The following PIP5K1B variants were observed in gnomAD, a reference collection of about 807,000 sequenced individuals.
The protein encoded by PIP5K1B is phosphatidylinositol 4-phosphate 5-kinase type-1 beta.
PIP5K1B carries 42 observed loss-of-function variants against 67.0 expected under a neutral mutation model. The observed-to-expected ratio is 0.63, with a 90% CI of 0.49 to 0.81. PIP5K1B has a LOEUF of 0.81. PIP5K1B is among the 30% of genes least tolerant of loss of function. The pLI is 0.00. For missense variants in PIP5K1B, 459 were observed against 646.3 expected (o/e 0.71, Z 3.14); for synonymous variants, 214 against 231.4 (o/e 0.92, Z 0.68).
chr9:68,873,100 A>G (rs1823705491), intron 5 of PIP5K1B, among the ~76,000 whole-genome samples: 1 of 152,096 alleles, frequency 6.6e-6, no homozygotes, highest in Admixed American at 6.5e-5. Context: ...ATTTCAGAAT[A>G]GCATTGCCCC....
At chr9:68,812,200 T>C (rs1833206249) in intron 2 of PIP5K1B, among the ~76,000 whole-genome samples, 1 of 152,244 alleles carries the variant, frequency 6.6e-6, no homozygotes, top group African/African-American at 2.4e-5. Context: ...AGTGTCAAAA[T>C]AGCACATGTT....
chr9:68,976,678 C>A (rs367629614), intron 14 of PIP5K1B, among the ~76,000 whole-genome samples: 1 of 152,206 alleles, frequency 6.6e-6, no homozygotes, highest in Non-Finnish European at 1.5e-5. Context: ...TGAAACTGTT[C>A]TGCCTCAGAT....
intron 2 of PIP5K1B, among the ~76,000 whole-genome samples, chr9:68,777,867 AT>A (rs907728746): frequency 2.0e-5 from 3 of 152,110 alleles, no homozygotes; most frequent in South Asian, 2.1e-4. Context: ...CCTAATATTA[AT>A]TTTTTTGTAG....
chr9:68,747,338 T>C (rs1249760368), intron 2 of PIP5K1B, among the ~76,000 whole-genome samples: 1 of 151,326 alleles, frequency 6.6e-6, no homozygotes, highest in Non-Finnish European at 1.5e-5. Flanking sequence ...TGTCTGTTGA[T>C]TGTAAAATAA....
intron 4 of PIP5K1B, among the ~76,000 whole-genome samples, chr9:68,852,679 C>A (rs1303634462): frequency 6.6e-6 from 1 of 152,136 alleles, no homozygotes; most frequent in African/African-American, 2.4e-5. Flanking sequence ...CCTGCACTGT[C>A]ACTTCCTGGC....
chr9:68,790,441 TAGA>T (rs1246621877), intron 2 of PIP5K1B, among the ~76,000 whole-genome samples: 1 of 152,254 alleles, frequency 6.6e-6, no homozygotes, highest in Non-Finnish European at 1.5e-5. Context: ...GTCTTATTTT[TAGA>T]AGTTCAGTAA....
chr9:68,774,100 GAAAAT>G (rs1830794296), intron 2 of PIP5K1B, among the ~76,000 whole-genome samples: 1 of 151,992 alleles, frequency 6.6e-6, no homozygotes, highest in African/African-American at 2.4e-5. Flanking sequence ...TTGCAGTTGA[GAAAAT>G]AAAAGGCAAT....
At chr9:68,901,959 C>A (rs772841800) in intron 8 of PIP5K1B, among the ~76,000 whole-genome samples, 7 of 152,122 alleles carry the variant, frequency 4.6e-5, no homozygotes, top group Non-Finnish European at 8.8e-5. Context: ...GATTCACATG[C>A]CGTTGGAAGC....
chr9:68,852,366 A>G (rs1047451356), intron 4 of PIP5K1B, among the ~76,000 whole-genome samples: 48 of 152,154 alleles, frequency 3.2e-4, no homozygotes, highest in African/African-American at 1.1e-3. Context: ...CCAAGCCATA[A>G]AAAGGTAAGA....
rs772335388 is a variant in PIP5K1B at position 68,873,281 on chromosome 9, C to CTTTTTT, written c.201-3381_201-3376dup. Among the ~76,000 whole-genome samples the CTTTTTT allele has an allele frequency of 1.6e-3, 142 of 90,638 alleles. 1 individual carries two copies. Among genetic ancestry groups the CTTTTTT allele is most frequent in the Non-Finnish European group, 2.0e-3 (97 of 47,528 alleles). 59.5% of individuals were successfully genotyped at this position (90,638 alleles called of 152,430 possible). Reference sequence around the variant, plus strand: ...TATTTTTTTAAGTTAACTTTCTGATCTTTTTTTTTTTTTTTTTTTTGTCTG... The same window carrying CTTTTTT: ...TATTTTTTTAAGTTAACTTTCTGATCTTTTTTTTTTTTTTTTTTTTTTTTTTGTCTG... On this transcript the variant is annotated intron_variant, in intron 5 of 15. Transcript: ENST00000265382.
At chr9:68,987,850 G>T (rs1830159790) in intron 14 of PIP5K1B, among the ~76,000 whole-genome samples, 1 of 151,972 alleles carries the variant, frequency 6.6e-6, no homozygotes, top group Admixed American at 6.6e-5. Flanking sequence ...AACAGCACGG[G>T]GGAAACCACC....
In PIP5K1B at chr9:68,725,368, C is replaced by G. The variant is rs183721371; in HGVS notation, c.-242-17133C>G. Among the ~76,000 whole-genome samples, 25 of 152,318 alleles carry G rather than the reference C, an allele frequency of 1.6e-4. No homozygotes were observed. In the East Asian group the frequency reaches 4.0e-3, roughly 25 times the overall value. ...TTTTTCTCATCTATGGAATGAAAAT[C>G]TAGCCACTGGCTCCTGACCTCATTC... On this transcript the variant is annotated intron_variant, in intron 1 of 15. Coordinates refer to ENST00000265382, the MANE Select transcript of PIP5K1B (RefSeq NM_003558.4).
At chr9:68,780,090 C>T (rs1831159070) in intron 2 of PIP5K1B, 6 of 1,387,186 alleles carry the variant, frequency 4.3e-6, no homozygotes, top group East Asian at 2.7e-5. Context: ...GCGGCAGCGG[C>T]GGCGGCCCTG....
chr9:68,723,513 A>AT (rs1397345803), intron 1 of PIP5K1B, among the ~76,000 whole-genome samples: 4 of 149,850 alleles, frequency 2.7e-5, no homozygotes, highest in South Asian at 2.1e-4. Flanking sequence ...TTACTTTTTG[A>AT]TTTTTTTTGG....
At chr9:68,710,336 GAGAACTGGGGT>G (rs1423480861) in intron 1 of PIP5K1B, among the ~76,000 whole-genome samples, 1 of 152,116 alleles carries the variant, frequency 6.6e-6, no homozygotes, top group Non-Finnish European at 1.5e-5. Flanking sequence ...CTGAGTGCCA[GAGAACTGGGGT>G]GGGAGGAAAC....
chr9:68,757,491 C>T (rs1829983712), intron 2 of PIP5K1B, among the ~76,000 whole-genome samples: 1 of 151,856 alleles, frequency 6.6e-6, no homozygotes, highest in Non-Finnish European at 1.5e-5. Context: ...AAAGAAAAGG[C>T]CTTGAAAAAT....
intron 4 of PIP5K1B, among the ~76,000 whole-genome samples, chr9:68,826,289 G>A (rs1833973824): frequency 6.6e-6 from 1 of 152,192 alleles, no homozygotes; most frequent in African/African-American, 2.4e-5. Context: ...AAAGAAGGGA[G>A]TGAGAAAACG....
intron 5 of PIP5K1B, 124 bp downstream of exon 5, chr9:68,864,091 G>GC: frequency 1.2e-6 from 1 of 850,690 alleles, no homozygotes; most frequent in South Asian, 2.0e-5. Context: ...TGGGCCTTTG[G>GC]CAGGGCCAAA....
At chr9:68,777,252 A>G (rs762811775) in intron 2 of PIP5K1B, among the ~76,000 whole-genome samples, 5 of 152,166 alleles carry the variant, frequency 3.3e-5, no homozygotes, top group Non-Finnish European at 7.3e-5. Flanking sequence ...GCATTCACAC[A>G]ATGATTCAAC....
Sources: gnomAD v4.1 joint callset for allele counts (sites outside exome capture counted in the v4.1 genomes callset) on GRCh38, gnomAD v4.1.1 for gene constraint, MANE v1.5 for transcripts, NCBI Gene and HGNC (gene_info 2026-07-23, HGNC 2026-07-21) for gene names.